The following GGACT variants were observed in gnomAD, a reference collection of about 807,000 sequenced individuals.
GGACT encodes gamma-glutamylamine cyclotransferase, also known as gamma-glutamylaminecyclotransferase.
For missense variants in GGACT, 241 were observed against 233.2 expected, an observed-to-expected ratio of 1.03 and a Z score of -0.22; for synonymous variants, 118 against 115.3, an observed-to-expected ratio of 1.02 and a Z score of -0.15.
chr13:100,550,779 C>A (rs1351163406), intron 2 of GGACT, among the ~76,000 whole-genome samples: 2 of 152,258 alleles, frequency 1.3e-5, no homozygotes, highest in East Asian at 3.9e-4. Context: ...CCACTCGCTT[C>A]AGAAACAGCA....
At chr13:100,576,518 A>G (rs1875250276) in intron 2 of GGACT, among the ~76,000 whole-genome samples, 1 of 152,228 alleles carries the variant, frequency 6.6e-6, no homozygotes, top group Admixed American at 6.5e-5. Context: ...TGTATTCAAA[A>G]TCACCAAAAA....
intron 1 of GGACT, among the ~76,000 whole-genome samples, chr13:100,586,505 G>T (rs185943066): frequency 3.0e-5 from 3 of 99,066 alleles, no homozygotes; most frequent in African/African-American, 4.0e-5. Flanking sequence ...CCCTCCTCTC[G>T]CGGAGTCCAG....
rs994480511 is a variant in GGACT, at chr13:100,545,331, G to C, written c.-10-12730C>G. Among the ~76,000 whole-genome samples the C allele has an allele frequency of 6.6e-6, 1 of 152,228 alleles. No individual in the cohort carries two copies. The highest frequency in any genetic ancestry group is 2.1e-4 in the South Asian group (1 of 4,830). On this transcript the variant is annotated intron_variant, in intron 2 of 2. Transcript: ENST00000683975. This position sits in a 1 kb window ranked among gnomAD's most constrained non-coding sequence, Gnocchi z 4.4. The stretch of plus-strand genomic sequence containing the variant: ...TTTTGCAGATGGGGAAGCTGGGGCA[G>C]AGGTGAAGTGACTCACACACAAGGC...
intron 2 of GGACT, among the ~76,000 whole-genome samples, chr13:100,564,617 G>A (rs1486582756): frequency 6.6e-6 from 1 of 152,148 alleles, no homozygotes; most frequent in African/African-American, 2.4e-5. Context: ...TTAACTACGA[G>A]ACTGTTGCCT....
Position 100,574,247 on chromosome 13 carries a change from G to A in GGACT, c.-11+9578C>T, listed in dbSNP as rs112146853. ...CCTTTGCAGCAACATGGATACAGCT[G>A]GAAGCCATAAGCTTAACTGAATTAA... On this transcript the variant is annotated intron_variant, in intron 2 of 2. Coordinates refer to ENST00000683975, the MANE Select transcript of GGACT (RefSeq NM_001195087.2). 5.4e-3 allele frequency among the ~76,000 whole-genome samples: 818 copies of A among 152,292 alleles called. 9 individuals carry two copies. The highest frequency in any genetic ancestry group is 0.019 in the African/African-American group (777 of 41,560).
At chr13:100,564,524 A>G (rs1453212885) in intron 2 of GGACT, among the ~76,000 whole-genome samples, 1 of 152,246 alleles carries the variant, frequency 6.6e-6, no homozygotes, top group East Asian at 1.9e-4. Context: ...AAATGAAGAT[A>G]ATACAAAAAG....
At chr13:100,586,305 C>T (rs749264825) in intron 1 of GGACT, among the ~76,000 whole-genome samples, 1 of 152,190 alleles carries the variant, frequency 6.6e-6, no homozygotes, top group Non-Finnish European at 1.5e-5. Context: ...GTGGATATGG[C>T]CAAACAAGAC....
intron 2 of GGACT, among the ~76,000 whole-genome samples, chr13:100,579,730 C>T (rs1231087496): frequency 1.3e-5 from 2 of 152,226 alleles, no homozygotes; most frequent in African/African-American, 4.8e-5. Flanking sequence ...GCGGTCTGTG[C>T]TTCTTCACAT....
At chr13:100,535,978 T>C (rs1046697904) in intron 2 of GGACT, 5 of 152,204 alleles carry the variant, frequency 3.3e-5, no homozygotes, top group East Asian at 1.9e-4. Flanking sequence ...TCCCGTCCTC[T>C]GGCTGGGATG....
intron 2 of GGACT, among the ~76,000 whole-genome samples, chr13:100,553,856 A>G (rs988210086): frequency 6.6e-6 from 1 of 151,498 alleles, no homozygotes; most frequent in African/African-American, 2.4e-5. Context: ...AAAAAAAAAA[A>G]AAAAGGTAGT....
intron 2 of GGACT, among the ~76,000 whole-genome samples, chr13:100,572,020 C>T (rs574102433): frequency 7.7e-4 from 117 of 152,242 alleles, no homozygotes; most frequent in African/African-American, 2.5e-3. Context: ...TGAAATTTAA[C>T]CTTTTGTGTG....
intron 2 of GGACT, among the ~76,000 whole-genome samples, chr13:100,559,211 C>T (rs1347820543): frequency 5.9e-5 from 9 of 152,266 alleles, no homozygotes; most frequent in Middle Eastern, 3.4e-3. Context: ...ATTTTTGAGA[C>T]GGAGTCTCAT....
intron 2 of GGACT, among the ~76,000 whole-genome samples, chr13:100,543,626 A>G (rs2088575506): frequency 6.6e-6 from 1 of 152,238 alleles, no homozygotes; most frequent in Middle Eastern, 3.2e-3. Flanking sequence ...ATCATGTCAA[A>G]GCATCTGTTT....
intron 1 of GGACT, among the ~76,000 whole-genome samples, chr13:100,587,656 C>T (rs1382274863): frequency 1.3e-5 from 2 of 152,234 alleles, no homozygotes; most frequent in African/African-American, 4.8e-5. Flanking sequence ...AAGACCTACA[C>T]TTTAAATAGG....
chr13:100,542,885 T>C (rs2088567545), intron 2 of GGACT, among the ~76,000 whole-genome samples: 1 of 152,220 alleles, frequency 6.6e-6, no homozygotes, highest in South Asian at 2.1e-4. Flanking sequence ...ATTCAGCAGT[T>C]CTCCTTCTTG....
At chr13:100,586,976 TTTAA>T (rs1488982809) in intron 1 of GGACT, 2 of 152,228 alleles carry the variant, frequency 1.3e-5, no homozygotes, top group African/African-American at 4.8e-5. Context: ...GGCAGTCATG[TTTAA>T]TTGAGAACTC....
chr13:100,536,119 C>G (rs1446277842), intron 2 of GGACT: 1 of 152,252 alleles, frequency 6.6e-6, no homozygotes, highest in Non-Finnish European at 1.5e-5. Context: ...TTTCCGAGTT[C>G]TTGCAGAGAA....
chr13:100,572,787 T>C (rs1875125893), intron 2 of GGACT, among the ~76,000 whole-genome samples: 1 of 152,288 alleles, frequency 6.6e-6, no homozygotes, highest in South Asian at 2.1e-4. Flanking sequence ...GTCCTCAAAC[T>C]GATTAATGAT....
At chr13:100,582,898 T>C (rs1159468591) in intron 2 of GGACT, among the ~76,000 whole-genome samples, 1 of 152,206 alleles carries the variant, frequency 6.6e-6, no homozygotes, top group East Asian at 1.9e-4. Context: ...TTTTCATTCA[T>C]TAACATGATA....
Sources: gnomAD v4.1 joint callset for allele counts (sites outside exome capture counted in the v4.1 genomes callset) on GRCh38, gnomAD v4.1.1 for gene constraint, Gnocchi (gnomAD v3.1) non-coding constraint, MANE v1.5 for transcripts, NCBI Gene and HGNC (gene_info 2026-07-23, HGNC 2026-07-21) for gene names.